Variants in MEP1A observed in about 807,000 individuals in gnomAD.
MEP1A encodes meprin A subunit alpha.
MEP1A carries 68 observed loss-of-function variants against 84.5 expected under a neutral mutation model. The observed-to-expected ratio is 0.80, with a 90% CI of 0.66 to 0.98. The LOEUF (loss-of-function observed/expected upper bound fraction) is 0.98, where lower values mean the gene tolerates loss of function less well. Ranked by LOEUF, MEP1A falls within the 50% of genes least tolerant of loss-of-function variation. MEP1A has a pLI of 0.00. For synonymous variants in MEP1A, 337 were observed against 336.8 expected, an observed-to-expected ratio of 1.00 and a Z score of -0.01; for missense variants, 887 against 919.9, an observed-to-expected ratio of 0.96 and a Z score of 0.46.
intron 5 of MEP1A, 113 bp downstream of exon 5, chr6:46,799,294 G>A (rs1432314422): frequency 1.6e-5 from 11 of 700,584 alleles, no homozygotes; most frequent in Non-Finnish European, 2.8e-5. Flanking sequence ...GAGTTTTCAA[G>A]TCCTGATGCA....
chr6:46,819,783 G>A, intron 7 of MEP1A, 79 bp downstream of exon 7: 1 of 1,450,468 alleles, frequency 6.9e-7, no homozygotes, highest in African/African-American at 1.4e-5. Flanking sequence ...AATCTGTGTG[G>A]ACAGGAGCTT....
intron 3 of MEP1A, among the ~76,000 whole-genome samples, chr6:46,794,139 G>A (rs1419262618): frequency 1.3e-5 from 2 of 152,104 alleles, no homozygotes; most frequent in Non-Finnish European, 2.9e-5. Context: ...TGAGACTTAG[G>A]GGTGAGTGTA....
chr6:46,820,643 C>T lies in MEP1A; in HGVS notation c.556+939C>T, dbSNP rs1212858520. Among the ~76,000 whole-genome samples, 4 of 152,110 alleles carry T rather than the reference C, an allele frequency of 2.6e-5. No homozygotes were observed. In the East Asian group the frequency reaches 7.7e-4, roughly 29 times the overall value. Reference sequence around the variant, plus strand: ...CCTCAGGTGATCGGCCTGCCTTGGCCTCCCAAAGTGCTGGGATTACAGGCA... The same window carrying T: ...CCTCAGGTGATCGGCCTGCCTTGGCTTCCCAAAGTGCTGGGATTACAGGCA... On this transcript the variant is annotated intron_variant, in intron 7 of 13. Coordinates refer to ENST00000230588, the MANE Select transcript of MEP1A (RefSeq NM_005588.3).
chr6:46,807,936 T>C (rs1030520397), intron 5 of MEP1A, among the ~76,000 whole-genome samples: 1 of 152,076 alleles, frequency 6.6e-6, no homozygotes, highest in Non-Finnish European at 1.5e-5. Context: ...TCAAATGGGC[T>C]CTGTTTCCAT....
chr6:46,832,136 A>G (rs1387124363), intron 10 of MEP1A, among the ~76,000 whole-genome samples: 2 of 152,338 alleles, frequency 1.3e-5, no homozygotes, highest in Admixed American at 6.5e-5. Context: ...AAGAAGGAAA[A>G]AAGACACTCA....
chr6:46,825,131 T>C, intron 7 of MEP1A, 141 bp from the exon 8 acceptor site: 2 of 204,838 alleles, frequency 9.8e-6, no homozygotes, highest in Non-Finnish European at 1.9e-5. Flanking sequence ...TTATAAATTA[T>C]GTATTTAAAT....
At chr6:46,809,107 G>T (rs898787990) in intron 5 of MEP1A, among the ~76,000 whole-genome samples, 1 of 151,950 alleles carries the variant, frequency 6.6e-6, no homozygotes, top group African/African-American at 2.4e-5. Context: ...TGGGGGAAAG[G>T]CAAAGGGAGA....
chr6:46,811,752 C>G (rs1767503468), intron 6 of MEP1A, among the ~76,000 whole-genome samples: 1 of 151,914 alleles, frequency 6.6e-6, no homozygotes. Context: ...GTTTTTAATT[C>G]TCTTTATGTG....
chr6:46,825,869 A>G (rs1280817911), intron 8 of MEP1A, among the ~76,000 whole-genome samples: 1 of 152,186 alleles, frequency 6.6e-6, no homozygotes, highest in African/African-American at 2.4e-5. Context: ...TTATTACGTA[A>G]AGGTCAAAAT....
At position 46,831,058 on chromosome 6, in the gene MEP1A, G is replaced by A. The variant is rs368044829; in HGVS notation, c.1144+1487G>A. Among the ~76,000 whole-genome samples, 26 of 152,252 alleles carry A rather than the reference G, an allele frequency of 1.7e-4. No homozygotes were observed. In the South Asian group the frequency reaches 3.7e-3, roughly 22 times the overall value. On this transcript the variant is annotated intron_variant, in intron 10 of 13. Coordinates refer to ENST00000230588, the MANE Select transcript of MEP1A (RefSeq NM_005588.3). ...GCTTAATTTAGTTTCTTACACTGCT[G>A]TGCTTTGTGTTTCATTGAATTCAGA...
chr6:46,831,381 C>G (rs1768071322), intron 10 of MEP1A, among the ~76,000 whole-genome samples: 1 of 152,146 alleles, frequency 6.6e-6, no homozygotes, highest in Admixed American at 6.5e-5. Context: ...TGTTGGCATA[C>G]AACTATGTGT....
intron 10 of MEP1A, among the ~76,000 whole-genome samples, chr6:46,832,070 T>C (rs1439409859): frequency 6.6e-6 from 1 of 152,222 alleles, no homozygotes; most frequent in Non-Finnish European, 1.5e-5. Context: ...TTAAAGGTCT[T>C]TTCCTTTTCA....
chr6:46,825,522 T>A lies in MEP1A; in HGVS notation c.778+29T>A, dbSNP rs748582278. On this transcript the variant is annotated intron_variant, in intron 8 of 13. Coordinates refer to ENST00000230588, the MANE Select transcript of MEP1A (RefSeq NM_005588.3). ...AGTATCTCAGTTTCTGAGAACTTGGTAAACTAGCCTCAGCAGAGATTCCAT... is the reference window on the plus strand; with the variant it reads ...AGTATCTCAGTTTCTGAGAACTTGGAAAACTAGCCTCAGCAGAGATTCCAT... 1.2e-5 allele frequency: 17 copies of A among 1,468,508 alleles called. No homozygotes were observed. In the South Asian group the frequency reaches 2.0e-4, roughly 17 times the overall value. The allele number at this position is 1,468,508 out of a possible 1,614,324, so 91.0% of individuals were successfully genotyped here. A position where few individuals can be genotyped will look rare whatever the true frequency, so the allele number is the denominator to read the frequency against.
intron 6 of MEP1A, 113 bp downstream of exon 6, chr6:46,809,650 T>C: frequency 1.6e-6 from 1 of 635,978 alleles, no homozygotes. Context: ...TGCGTCCTCA[T>C]AACTTAGCTC....
chr6:46,823,351 C>A (rs1230526805), intron 7 of MEP1A, among the ~76,000 whole-genome samples: 4 of 152,204 alleles, frequency 2.6e-5, no homozygotes, highest in Non-Finnish European at 4.4e-5. Flanking sequence ...GTGGCTCATG[C>A]CTATAATCCC....
At chr6:46,829,622 C>T in intron 10 of MEP1A, 51 bp downstream of exon 10, 1 of 1,322,694 alleles carries the variant, frequency 7.6e-7, no homozygotes, top group Non-Finnish European at 1.1e-6. Flanking sequence ...ATCCGGGATC[C>T]TGCTTCTTCT....
intron 13 of MEP1A, among the ~76,000 whole-genome samples, chr6:46,836,531 G>A (rs1435680243): frequency 6.6e-6 from 1 of 152,116 alleles, no homozygotes; most frequent in Non-Finnish European, 1.5e-5. Context: ...CCTAATGTTA[G>A]CATATTACAC....
intron 7 of MEP1A, among the ~76,000 whole-genome samples, chr6:46,821,530 T>C (rs1767775849): frequency 6.6e-6 from 1 of 152,244 alleles, no homozygotes; most frequent in Admixed American, 6.5e-5. Context: ...GAATCTCTGA[T>C]TGCACTACTC....
chr6:46,815,664 G>T (rs1288401827), intron 6 of MEP1A, among the ~76,000 whole-genome samples: 1 of 152,014 alleles, frequency 6.6e-6, no homozygotes, highest in East Asian at 1.9e-4. Context: ...AAAAATTCAT[G>T]ATGTGAGTCT....
Sources: allele counts gnomAD v4.1 joint callset (sites outside exome capture counted in the v4.1 genomes callset), GRCh38; gene constraint gnomAD v4.1.1; transcripts MANE v1.5; gene names NCBI Gene and HGNC (gene_info 2026-07-23, HGNC 2026-07-21).